FNBP1L: variants seen among roughly 807,000 people sequenced by gnomAD.
FNBP1L encodes the protein formin binding protein 1 like.
Under a neutral mutation model 91.2 loss-of-function variants are expected in FNBP1L, and 36 were observed. The ratio of observed to expected loss-of-function variants is 0.39; its 90% CI spans 0.30 to 0.52. The LOEUF is 0.52. Ranked by LOEUF, FNBP1L falls within the 20% of genes least tolerant of loss-of-function variation. The probability of loss-of-function intolerance (pLI) is 0.66; values close to 1 mark genes in which losing one functional copy is unlikely to be tolerated. For missense variants in FNBP1L, 571 were observed against 732.1 expected (o/e 0.78, Z 2.54); for synonymous variants, 242 against 237.0 (o/e 1.02, Z -0.19).
At chr1:93,490,050 G>T (rs1297207046) in intron 1 of FNBP1L, among the ~76,000 whole-genome samples, 13 of 152,102 alleles carry the variant, frequency 8.5e-5, no homozygotes, top group East Asian at 1.9e-4. Context: ...ATGACACTTG[G>T]TTTTTTACCA....
intron 1 of FNBP1L, among the ~76,000 whole-genome samples, chr1:93,483,032 A>C (rs1669768077): frequency 1.3e-5 from 2 of 148,672 alleles, no homozygotes; most frequent in South Asian, 4.4e-4. Context: ...AAACAAAAAA[A>C]ACAAAAAACA....
rs371002591 is a variant in FNBP1L at position 93,472,701 on chromosome 1, A to G, written c.24+24396A>G. Among the ~76,000 whole-genome samples, 4 of 150,900 alleles carry G rather than the reference A, an allele frequency of 2.7e-5. No homozygotes were observed. The East Asian group carries it at 5.9e-4, about 22-fold the overall frequency. On this transcript the variant is annotated intron_variant, in intron 1 of 16. Transcript: ENST00000271234. ...TTGGCGGGCGCCTGTAGTTCCAGCT[A>G]CTCGGGAGGCTGAGGCAGGAGAATA...
intron 2 of FNBP1L, among the ~76,000 whole-genome samples, chr1:93,510,327 G>A (rs1230837381): frequency 6.6e-6 from 1 of 152,200 alleles, no homozygotes; most frequent in Non-Finnish European, 1.5e-5. Context: ...CTAACTGGGA[G>A]GCACCCCCCA....
intron 1 of FNBP1L, among the ~76,000 whole-genome samples, chr1:93,499,018 G>A (rs146220221): frequency 7.7e-4 from 118 of 152,322 alleles, no homozygotes; most frequent in Middle Eastern, 6.8e-3. Flanking sequence ...TGCTTAGGCT[G>A]TGGGGGTTCA....
intron 2 of FNBP1L, among the ~76,000 whole-genome samples, chr1:93,514,303 G>C (rs939968768): frequency 2.0e-5 from 3 of 151,838 alleles, no homozygotes; most frequent in Non-Finnish European, 2.9e-5. Flanking sequence ...CCATGCTCGT[G>C]GGTAGGAAGA....
At chr1:93,539,119 T>C (rs1557817813) in intron 10 of FNBP1L, among the ~76,000 whole-genome samples, 1 of 152,118 alleles carries the variant, frequency 6.6e-6, no homozygotes, top group Non-Finnish European at 1.5e-5. Context: ...TTTTAAGTTA[T>C]TTATTTAGCA....
chr1:93,457,647 A>G (rs1175044416), intron 1 of FNBP1L, among the ~76,000 whole-genome samples: 1 of 152,102 alleles, frequency 6.6e-6, no homozygotes, highest in Non-Finnish European at 1.5e-5. Flanking sequence ...TTGATGATTT[A>G]AAAATTTTGA....
rs1053772760 is a variant in FNBP1L, at chr1:93,474,543, A to T, written c.25-24925A>T. Reference sequence around the variant, plus strand: ...TTAGAATAGACGTGCCTAGCCTGAGAAGGCTTCTCTGTGGAATGTTCTTCA... The same window carrying T: ...TTAGAATAGACGTGCCTAGCCTGAGTAGGCTTCTCTGTGGAATGTTCTTCA... On this transcript the variant is annotated intron_variant, in intron 1 of 16. Transcript: ENST00000271234. 1.8e-4 allele frequency among the ~76,000 whole-genome samples: 28 copies of T among 152,210 alleles called. 2 individuals are homozygous for T. The highest frequency in any genetic ancestry group is 2.9e-5 in the Non-Finnish European group (2 of 68,042).
chr1:93,542,014 C>T (rs1672062545), intron 11 of FNBP1L, among the ~76,000 whole-genome samples: 1 of 151,954 alleles, frequency 6.6e-6, no homozygotes, highest in African/African-American at 2.4e-5. Context: ...AAAAAAAACT[C>T]CACAGTATGT....
chr1:93,497,274 TTAAAAA>T lies in FNBP1L; in HGVS notation c.25-2187_25-2182del, dbSNP rs1391046775. Among the ~76,000 whole-genome samples the T allele has an allele frequency of 3.3e-5, 5 of 152,318 alleles. No homozygotes were observed. In the South Asian group the frequency reaches 1.0e-3, roughly 32 times the overall value. ...AGTGCACCTGGCCTGAACTTATTTT[TTAAAAA>T]TAAAAAGTTGTAATATTTTCTGATT... On this transcript the variant is annotated intron_variant, in intron 1 of 16. Transcript: ENST00000271234.
intron 2 of FNBP1L, among the ~76,000 whole-genome samples, chr1:93,519,292 A>G (rs569972239): frequency 1.3e-5 from 2 of 152,314 alleles, no homozygotes; most frequent in East Asian, 3.9e-4. Context: ...TTCCAGCAAC[A>G]TTGAACCCAC....
chr1:93,501,218 A>T (rs1218264905), intron 2 of FNBP1L, among the ~76,000 whole-genome samples: 1 of 152,214 alleles, frequency 6.6e-6, no homozygotes, highest in Non-Finnish European at 1.5e-5. Flanking sequence ...GTGTGAAGGG[A>T]CAAACAATAA....
rs368645937 is a variant in FNBP1L at position 93,547,385 on chromosome 1, A to T, written c.1446A>T (p.Arg482Ser). The change falls in exon 14 of 17, where the codon AGA (arginine) becomes AGT (serine). Residue 482 changes from arginine to serine, a missense_variant. Transcript: ENST00000271234. ...LSEVEGKTGG[R>S]GDRRHSSDIN... ...AAGTCGAAGGCAAAACAGGTGGGAG[A>T]GGAGACAGAAGACATAGCAGTGACA... is the stretch of plus-strand genomic sequence containing the variant. 4.2e-5 allele frequency: 66 copies of T among 1,562,428 alleles called. No homozygotes were observed. In the Middle Eastern group the frequency reaches 1.0e-3, roughly 24 times the overall value.
rs1338588032 is a variant in FNBP1L at position 93,499,603 on chromosome 1, A to G, written c.140+20A>G. 1.4e-6 allele frequency: 2 copies of G among 1,399,220 alleles called. No homozygotes were observed. The highest frequency in any genetic ancestry group is 2.4e-5 in the East Asian group (1 of 41,778). 86.7% of individuals were successfully genotyped at this position (1,399,220 alleles called of 1,614,324 possible). ...ATTGAGGTAAGTTAATTTTTTTTTC[A>G]GTTTTTAGAATGAAATTACATGTTT... On this transcript the variant is annotated intron_variant, in intron 2 of 16. Transcript: ENST00000271234.
chr1:93,544,452 AT>A (rs1386786898), intron 12 of FNBP1L, among the ~76,000 whole-genome samples: 1 of 152,066 alleles, frequency 6.6e-6, no homozygotes, highest in Non-Finnish European at 1.5e-5. Flanking sequence ...TTTGCAAAAA[AT>A]TTCTTGATAT....
chr1:93,456,189 C>T (rs1007099332), intron 1 of FNBP1L, among the ~76,000 whole-genome samples: 2 of 152,158 alleles, frequency 1.3e-5, no homozygotes, highest in African/African-American at 4.8e-5. Context: ...TCTCTAATAA[C>T]AAGGATAAAA....
intron 1 of FNBP1L, among the ~76,000 whole-genome samples, chr1:93,459,367 TCAGA>T (rs1668782682): frequency 6.6e-6 from 1 of 152,096 alleles, no homozygotes; most frequent in African/African-American, 2.4e-5. Context: ...TGTAAGGAAC[TCAGA>T]CAACTCTAGC....
intron 1 of FNBP1L, 53 bp from the exon 2 acceptor site, chr1:93,499,415 C>A: frequency 1.8e-6 from 2 of 1,134,680 alleles, no homozygotes; most frequent in Non-Finnish European, 2.6e-6. Context: ...TTAAAAATAT[C>A]TGTGGATAAA....
chr1:93,485,135 A>G (rs893610976), intron 1 of FNBP1L, among the ~76,000 whole-genome samples: 1 of 149,394 alleles, frequency 6.7e-6, no homozygotes, highest in Non-Finnish European at 1.5e-5. Context: ...TGAGCAACAG[A>G]ATGAGACCCT....
Sources: gnomAD v4.1 joint callset for allele counts (sites outside exome capture counted in the v4.1 genomes callset) on GRCh38, gnomAD v4.1.1 for gene constraint, MANE v1.5 for transcripts, NCBI Gene and HGNC (gene_info 2026-07-23, HGNC 2026-07-21) for gene names.